Variants in LINC00305 observed in about 807,000 individuals in gnomAD.
LINC00305 encodes the protein long independently transcribed non-coding RNA 305.
chr18:64,102,214 G>T (rs994403019), intron 1 of LINC00305, among the ~76,000 whole-genome samples: 1 of 152,062 alleles, frequency 6.6e-6, no homozygotes, highest in Non-Finnish European at 1.5e-5. Context: ...AAGCCTAAAG[G>T]TCTGTCAGTT....
chr18:64,137,131 A>C (rs1599229997), intron 1 of LINC00305, among the ~76,000 whole-genome samples: 3 of 152,090 alleles, frequency 2.0e-5, no homozygotes, highest in African/African-American at 7.2e-5. Context: ...AGGATAGGGG[A>C]ATCTGGACAC....
chr18:64,145,098 T>C (rs1307251725), intron 1 of LINC00305, among the ~76,000 whole-genome samples: 1 of 152,194 alleles, frequency 6.6e-6, no homozygotes, highest in Non-Finnish European at 1.5e-5. Flanking sequence ...CCTGTTTCCA[T>C]GGATTGTTTG....
At chr18:64,100,386 GC>G (rs2051263572) in intron 1 of LINC00305, among the ~76,000 whole-genome samples, 1 of 152,126 alleles carries the variant, frequency 6.6e-6, no homozygotes, top group Admixed American at 6.5e-5. Context: ...TCACAGGAGG[GC>G]TTGTGTGTTC....
chr18:64,132,616 C>A (rs1328858361), intron 1 of LINC00305, among the ~76,000 whole-genome samples: 1 of 152,146 alleles, frequency 6.6e-6, no homozygotes, highest in Non-Finnish European at 1.5e-5. Flanking sequence ...CACATTCCCA[C>A]TGAGTGGCAG....
At chr18:64,130,346 G>A (rs1350611791) in intron 1 of LINC00305, among the ~76,000 whole-genome samples, 1 of 151,938 alleles carries the variant, frequency 6.6e-6, no homozygotes, top group Non-Finnish European at 1.5e-5. Flanking sequence ...AGAATAATTA[G>A]GTCCCTTTTT....
chr18:64,107,600 G>A (rs1377918534), intron 1 of LINC00305, among the ~76,000 whole-genome samples: 3 of 152,206 alleles, frequency 2.0e-5, no homozygotes, highest in Admixed American at 2.0e-4. Context: ...ATGTGTTCCA[G>A]GAGACATGGT....
At chr18:64,120,546 GCTAA>G (rs68086863) in intron 1 of LINC00305, among the ~76,000 whole-genome samples, 21,443 of 151,756 alleles carry the variant, frequency 0.14, 1,509 homozygotes, top group Non-Finnish European at 0.16. Context: ...TTGTTTTGGC[GCTAA>G]CTTTCTCTTT....
intron 1 of LINC00305, among the ~76,000 whole-genome samples, chr18:64,125,828 A>G (rs1407277344): frequency 6.6e-6 from 1 of 152,108 alleles, no homozygotes; most frequent in Admixed American, 6.6e-5. Context: ...GATTAATGCC[A>G]TTATCAGGGG....
exon 1 of LINC00305, chr18:64,148,980 G>C (rs923612513): frequency 2.6e-5 from 4 of 152,166 alleles, no homozygotes; most frequent in African/African-American, 9.7e-5. Context: ...AGACTAAATT[G>C]GAGACAAGTT....
At chr18:64,145,847 A>G (rs189516580) in intron 1 of LINC00305, among the ~76,000 whole-genome samples, 2 of 152,188 alleles carry the variant, frequency 1.3e-5, no homozygotes, top group African/African-American at 4.8e-5. Flanking sequence ...CTATATAATG[A>G]TATACCCTCA....
intron 1 of LINC00305, among the ~76,000 whole-genome samples, chr18:64,122,379 G>T (rs1241986174): frequency 6.6e-6 from 1 of 151,884 alleles, no homozygotes; most frequent in Admixed American, 6.6e-5. Flanking sequence ...GAAAGATAGG[G>T]GTTCAGTTTC....
intron 1 of LINC00305, among the ~76,000 whole-genome samples, chr18:64,136,446 TGA>T (rs1272485307): frequency 2.6e-5 from 4 of 152,066 alleles, no homozygotes; most frequent in Non-Finnish European, 1.5e-5. Flanking sequence ...GAAGAGAGAA[TGA>T]GAGTGGAGAG....
intron 1 of LINC00305, among the ~76,000 whole-genome samples, chr18:64,122,819 T>A (rs1195691262): frequency 1.3e-5 from 2 of 152,146 alleles, no homozygotes; most frequent in Non-Finnish European, 2.9e-5. Context: ...TTCCAATCCA[T>A]GAGCAGGAGA....
At chr18:64,083,687 T>A (rs2051193087) in intron 3 of LINC00305, among the ~76,000 whole-genome samples, 1 of 152,152 alleles carries the variant, frequency 6.6e-6, no homozygotes, top group Admixed American at 6.5e-5. Flanking sequence ...TAACTGTCAT[T>A]TCTCTTCTAG....
At chr18:64,127,598 TGTGTGTGAACAGAGA>T (rs1225671086) in intron 1 of LINC00305, among the ~76,000 whole-genome samples, 6 of 152,116 alleles carry the variant, frequency 3.9e-5, no homozygotes, top group African/African-American at 1.4e-4. Flanking sequence ...TGTCCAGAGA[TGTGTGTGAACAGAGA>T]GTGCCTATTT....
At position 64,093,773 on chromosome 18, in the gene LINC00305, A is replaced by G. The variant is rs2144897052; in HGVS notation, n.540+4061T>C. 2.6e-5 allele frequency among the ~76,000 whole-genome samples: 4 copies of G among 152,298 alleles called. 1 individual carries two copies. In the Middle Eastern group the frequency reaches 0.014, roughly 518 times the overall value. ...ATGAGAGCTGGGAAGGGGCTTAAAGATAGAGCATATGTTGACCTTGAGCAG... is the reference window on the plus strand; with the variant it reads ...ATGAGAGCTGGGAAGGGGCTTAAAGGTAGAGCATATGTTGACCTTGAGCAG... On this transcript the variant is annotated intron_variant and non_coding_transcript_variant, in intron 3 of 3. Transcript: ENST00000666468.
intron 1 of LINC00305, among the ~76,000 whole-genome samples, chr18:64,116,229 G>T (rs1002808410): frequency 1.3e-5 from 2 of 152,164 alleles, no homozygotes; most frequent in Non-Finnish European, 2.9e-5. Context: ...TGGGTCTCAG[G>T]ATGAATCAGT....
intron 1 of LINC00305, among the ~76,000 whole-genome samples, chr18:64,143,786 ACATATTATGCG>A (rs1338736251): frequency 1.0e-5 from 1 of 99,394 alleles, no homozygotes; most frequent in East Asian, 4.3e-4. Context: ...ATGTATGTAC[ACATATTATGCG>A]TACATGTATG....
chr18:64,143,770 GCGTA>G, intron 1 of LINC00305, among the ~76,000 whole-genome samples: 1 of 149,710 alleles, frequency 6.7e-6, no homozygotes, highest in African/African-American at 2.5e-5. Context: ...CACATATTAT[GCGTA>G]CATGTATGTA....
Sources: allele counts gnomAD v4.1 joint callset (sites outside exome capture counted in the v4.1 genomes callset), GRCh38; gene constraint gnomAD v4.1.1; transcripts MANE v1.5; gene names NCBI Gene and HGNC (gene_info 2026-07-23, HGNC 2026-07-21).